Variants in CD1B observed in about 807,000 individuals in gnomAD.
CD1B encodes the protein CD1b molecule.
In CD1B, 43 loss-of-function variants were observed where a neutral mutation model predicts 39.8. The observed-to-expected ratio is 1.08, with a 90% CI of 0.85 to 1.39. The LOEUF (loss-of-function observed/expected upper bound fraction) is 1.39, where lower values mean the gene tolerates loss of function less well. Among genes scored for constraint, CD1B ranks in the 40% most tolerant of loss-of-function variants. The probability of loss-of-function intolerance (pLI) is 0.00; values close to 1 mark genes in which losing one functional copy is unlikely to be tolerated. For synonymous variants in CD1B, 192 were observed against 152.5 expected, an observed-to-expected ratio of 1.26 and a Z score of -1.91; for missense variants, 495 against 403.8, an observed-to-expected ratio of 1.23 and a Z score of -1.94.
the CD1B span, among the ~76,000 whole-genome samples, chr1:158,288,663 G>A: frequency 1.3e-5 from 2 of 152,218 alleles, no homozygotes; most frequent in Non-Finnish European, 2.9e-5. Context: ...AAAGTGCTGG[G>A]ATTACAGGCA....
chr1:158,330,312 A>C (rs911613032), intron 2 of CD1B, among the ~76,000 whole-genome samples, 182 bp from the exon 3 acceptor site: 28 of 152,232 alleles, frequency 1.8e-4, no homozygotes, highest in Admixed American at 1.5e-3. Flanking sequence ...AAAAATGTGC[A>C]TGCCATGAAG....
the CD1B span, chr1:158,292,842 G>A: frequency 6.2e-7 from 1 of 1,614,184 alleles, no homozygotes; most frequent in Non-Finnish European, 8.5e-7. Context: ...AGACACAGCA[G>A]TCTAGGAGGC....
chr1:158,305,816 A>G, the CD1B span, among the ~76,000 whole-genome samples: 1 of 152,256 alleles, frequency 6.6e-6, no homozygotes, highest in African/African-American at 2.4e-5. Context: ...CCAGAATTTC[A>G]TATGTAGCCA....
At chr1:158,292,854 A>G in the CD1B span, 1 of 1,614,164 alleles carries the variant, frequency 6.2e-7, no homozygotes, top group East Asian at 2.2e-5. Context: ...CTAGGAGGCC[A>G]GGACATCATC....
chr1:158,315,424 T>C, the CD1B span, among the ~76,000 whole-genome samples: 1,463 of 152,034 alleles, frequency 9.6e-3, 15 homozygotes, highest in Admixed American at 0.021. Flanking sequence ...TGAGCATTTT[T>C]TAATGTGTTT....
the CD1B span, among the ~76,000 whole-genome samples, chr1:158,308,759 G>T: frequency 0.024 from 3,587 of 152,258 alleles, 140 homozygotes; most frequent in African/African-American, 0.081. Flanking sequence ...AAATGGTGCT[G>T]GGAAAACTGG....
At position 158,331,050 on chromosome 1, in the gene CD1B, G is replaced by A. The variant is rs746361745; in HGVS notation, c.74C>T (p.Pro25Leu). 1.2e-5 allele frequency: 19 copies of A among 1,611,414 alleles called. No individual in the cohort carries two copies. In the East Asian group the frequency reaches 2.0e-4, roughly 17 times the overall value. Residue 25 changes from proline (P) to leucine (L), a missense_variant, in exon 2 of 6, where the codon CCG (proline) becomes CTG (leucine). Pro to Leu is a moderately conservative substitution (Grantham distance 98, BLOSUM62 -3). Transcript: ENST00000368168. ...GGNSEHAFQG[P>L]TSFHVIQTSS... ...GGTCTGGATAACATGAAAGGAGGTC[G>A]GCCCCTGGAAGGCTGTGAAGAGTGG...
the CD1B span, among the ~76,000 whole-genome samples, chr1:158,301,692 G>A: frequency 5.3e-5 from 8 of 151,914 alleles, no homozygotes; most frequent in South Asian, 4.2e-4. Flanking sequence ...TGTGGAACCC[G>A]ACTTTTCTTT....
At chr1:158,317,642 G>GCAT in the CD1B span, among the ~76,000 whole-genome samples, 3 of 151,844 alleles carry the variant, frequency 2.0e-5, no homozygotes, top group South Asian at 2.1e-4. Context: ...TTTTTGAAGG[G>GCAT]TTTTTGTGTC....
In CD1B at chr1:158,328,018, A is replaced by C; in HGVS notation, c.*218T>G. 2.2e-6 allele frequency: 1 copy of C among 455,066 alleles called. No homozygotes were observed. Among genetic ancestry groups the C allele is most frequent in the East Asian group, 3.3e-5 (1 of 30,370 alleles). The allele number at this position is 455,066 out of a possible 1,614,324, so 28.2% of individuals were successfully genotyped here. A position where few individuals can be genotyped will look rare whatever the true frequency, so the allele number is the denominator to read the frequency against. On this transcript the variant is annotated 3_prime_UTR_variant, in exon 6 of 6. Transcript: ENST00000368168. ...TTTCTAACATTTTAATGTGTGTAAA[A>C]TCAGGGTGAATCACACTGTTAGTAC...
At chr1:158,303,215 T>C in the CD1B span, among the ~76,000 whole-genome samples, 1 of 152,216 alleles carries the variant, frequency 6.6e-6, no homozygotes. Flanking sequence ...AACAGTCTTT[T>C]GATAAAATTC....
intron 2 of CD1B, chr1:158,330,460 A>G (rs1302542988): frequency 5.4e-6 from 3 of 551,950 alleles, no homozygotes; most frequent in Non-Finnish European, 9.8e-6. Context: ...ATGATTGAAA[A>G]GATGGATTAG....
At chr1:158,323,848 G>A (rs183783928), downstream of CD1B, among the ~76,000 whole-genome samples, 59 of 152,318 alleles carry the variant, frequency 3.9e-4, no homozygotes, top group Middle Eastern at 0.01. Context: ...AAGTCCAGGA[G>A]CCTGTCTCAT....
downstream of CD1B, among the ~76,000 whole-genome samples, chr1:158,325,096 A>G (rs1357755907): frequency 1.3e-5 from 2 of 151,580 alleles, no homozygotes; most frequent in East Asian, 1.9e-4. Flanking sequence ...TGATTCCATC[A>G]AGGTAATAAG....
the CD1B span, among the ~76,000 whole-genome samples, chr1:158,312,343 G>A: frequency 6.6e-6 from 1 of 152,156 alleles, no homozygotes; most frequent in Non-Finnish European, 1.5e-5. Context: ...CTCTCTTGCT[G>A]CTGCTGTGAA....
chr1:158,307,312 G>A, the CD1B span, among the ~76,000 whole-genome samples: 4 of 151,998 alleles, frequency 2.6e-5, no homozygotes, highest in Admixed American at 6.6e-5. Context: ...ATACCTCTAC[G>A]CAAATAAACT....
chr1:158,309,443 A>G, the CD1B span, among the ~76,000 whole-genome samples: 2 of 152,188 alleles, frequency 1.3e-5, no homozygotes, highest in Non-Finnish European at 2.9e-5. Flanking sequence ...GGGATCTAGA[A>G]CTAGAAATAC....
At chr1:158,291,300 C>T in the CD1B span, 1 of 1,614,122 alleles carries the variant, frequency 6.2e-7, no homozygotes, top group Non-Finnish European at 8.5e-7. Context: ...AGGGCAACTT[C>T]AGCAATGAAG....
At chr1:158,325,858 T>C (rs767094506), downstream of CD1B, among the ~76,000 whole-genome samples, 8 of 152,266 alleles carry the variant, frequency 5.3e-5, no homozygotes, top group Non-Finnish European at 1.2e-4. Context: ...GTGTAAGAGT[T>C]GAGACCTATT....
Sources: allele counts gnomAD v4.1 joint callset (sites outside exome capture counted in the v4.1 genomes callset), GRCh38; gene constraint gnomAD v4.1.1; transcripts MANE v1.5; gene names NCBI Gene and HGNC (gene_info 2026-07-23, HGNC 2026-07-21).